The following RP1L1 variants were observed in gnomAD, a reference collection of about 807,000 sequenced individuals.
RP1L1 encodes RP1 like 1.
In RP1L1, 27 loss-of-function variants were observed where a neutral mutation model predicts 15.7. The observed-to-expected ratio is 1.72, with a 90% CI of 1.27 to 2.38. RP1L1 has a LOEUF of 2.38. Among genes scored for constraint, RP1L1 ranks in the 30% most tolerant of loss-of-function variants. RP1L1 has a pLI of 0.00. For synonymous variants in RP1L1, 1,813 were observed against 1,276.7 expected (o/e 1.42, Z -8.96); for missense variants, 4,798 against 3,075.9 (o/e 1.56, Z -13.24).
At chr8:10,617,548 T>G (rs1465477037) in intron 2 of RP1L1, among the ~76,000 whole-genome samples, 4 of 7,486 alleles carry the variant, frequency 5.3e-4, no homozygotes, top group African/African-American at 1.0e-3. Context: ...TTCTTTTTCT[T>G]TTTTTTTTTT....
At chr8:10,652,155 T>C (rs1454669920) in intron 1 of RP1L1, among the ~76,000 whole-genome samples, 4 of 152,144 alleles carry the variant, frequency 2.6e-5, no homozygotes, top group Admixed American at 2.0e-4. Context: ...GACACAGCTG[T>C]CTAACAACAC....
In RP1L1 at chr8:10,609,932, G is replaced by C. The variant is rs1298179320; in HGVS notation, c.4166C>G (p.Ala1389Gly). ...TTCCTCTTTGAGACCCTCTTCAAGAGCCTCTCCTTGCAGTCCTCCTTCTGG... is the reference window on the plus strand; with the variant it reads ...TTCCTCTTTGAGACCCTCTTCAAGACCCTCTCCTTGCAGTCCTCCTTCTGG... Reference protein sequence around the residue: ...EGPEGGLQGEALEEGLKEEGL... With the variant: ...EGPEGGLQGEGLEEGLKEEGL... The change falls in exon 4 of 4, where the codon GCT becomes GGT. Residue 1389 changes from alanine to glycine, a missense_variant. Coordinates refer to ENST00000382483, the MANE Select transcript of RP1L1 (RefSeq NM_178857.6). 1.9e-6 allele frequency: 3 copies of C among 1,588,756 alleles called. No homozygotes were observed. The highest frequency in any genetic ancestry group is 8.6e-7 in the Non-Finnish European group (1 of 1,162,614).
rs1563121580 is a variant in RP1L1, at chr8:10,609,313, G to A, written c.4785C>T (p.Leu1595=). The A allele has an allele frequency of 1.2e-6, 2 of 1,611,682 alleles. No individual in the cohort carries two copies. Among genetic ancestry groups the A allele is most frequent in the Non-Finnish European group, 1.7e-6 (2 of 1,179,762 alleles). ...RMVLEPPREA[L]TGELLLQTQQ... is the part of the protein sequence containing the mutation. ...GGGTCTGCAGGAGCAGCTCCCCGGT[G>A]AGGGCCTCCCTTGGAGGCTCCAGCA... The change falls in exon 4 of 4, where the codon CTC becomes CTT. Residue 1595 remains leucine (L), a synonymous_variant. Coordinates refer to ENST00000382483, the MANE Select transcript of RP1L1 (RefSeq NM_178857.6).
intron 1 of RP1L1, among the ~76,000 whole-genome samples, chr8:10,628,204 C>T (rs1180088167): frequency 6.6e-6 from 1 of 152,184 alleles, no homozygotes; most frequent in Admixed American, 6.5e-5. Flanking sequence ...AGAGGTTAAA[C>T]CACAGGATCA....
At chr8:10,634,434 G>A (rs879940088) in intron 1 of RP1L1, among the ~76,000 whole-genome samples, 5 of 152,156 alleles carry the variant, frequency 3.3e-5, no homozygotes, top group African/African-American at 4.8e-5. Flanking sequence ...CATATGGACC[G>A]GTTTTCCGTG....
intron 1 of RP1L1, among the ~76,000 whole-genome samples, chr8:10,645,336 CAAAT>C (rs1409177455): frequency 5.3e-5 from 8 of 152,038 alleles, no homozygotes; most frequent in African/African-American, 1.9e-4. Flanking sequence ...CAAAAACAAA[CAAAT>C]GAACAAACAA....
intron 3 of RP1L1, among the ~76,000 whole-genome samples, chr8:10,615,246 G>C (rs544012391): frequency 7.9e-5 from 12 of 152,312 alleles, no homozygotes; most frequent in African/African-American, 2.9e-4. Flanking sequence ...TTTCACAAAG[G>C]ATAGTACTTT....
intron 1 of RP1L1, among the ~76,000 whole-genome samples, chr8:10,644,677 C>A (rs1180589958): frequency 6.6e-6 from 1 of 152,210 alleles, no homozygotes. Context: ...CTTTCCCTGA[C>A]GATGCTGTGA....
chr8:10,614,645 G>A (rs1258750815), intron 3 of RP1L1, among the ~76,000 whole-genome samples: 9 of 143,754 alleles, frequency 6.3e-5, no homozygotes, highest in Non-Finnish European at 1.2e-4. Context: ...TGGGTGACAG[G>A]GTAAGATTCT....
chr8:10,608,969 G>A lies in RP1L1; in HGVS notation c.5129C>T (p.Pro1710Leu). Reference sequence around the variant, plus strand: ...CGTGGGGTCCGTGTGGGTCTTGCCAGGGGCCACCTCTGCTGCCTCCCCATC... The same window carrying A: ...CGTGGGGTCCGTGTGGGTCTTGCCAAGGGCCACCTCTGCTGCCTCCCCATC... ...HTDGEAAEVAPGKTHTDPTST... is the reference protein window; with the variant it reads ...HTDGEAAEVALGKTHTDPTST... Residue 1710 changes from proline (P) to leucine (L), a missense_variant, in exon 4 of 4, where the codon CCT becomes CTT. Transcript: ENST00000382483. The A allele has an allele frequency of 6.2e-7, 1 of 1,613,550 alleles. No homozygotes were observed. Among genetic ancestry groups the A allele is most frequent in the Non-Finnish European group, 8.5e-7 (1 of 1,179,568 alleles).
intron 1 of RP1L1, among the ~76,000 whole-genome samples, chr8:10,649,792 C>T (rs1347304290): frequency 2.6e-5 from 4 of 152,164 alleles, no homozygotes; most frequent in East Asian, 1.9e-4. Flanking sequence ...GGACAACACA[C>T]GGGATTACAG....
At chr8:10,628,970 C>T (rs902319243) in intron 1 of RP1L1, among the ~76,000 whole-genome samples, 5 of 152,218 alleles carry the variant, frequency 3.3e-5, no homozygotes, top group African/African-American at 1.2e-4. Context: ...TGTGCAGCCT[C>T]GTCAGAGCTC....
chr8:10,623,824 C>A (rs1257757303), intron 1 of RP1L1, among the ~76,000 whole-genome samples: 1 of 151,288 alleles, frequency 6.6e-6, no homozygotes, highest in Non-Finnish European at 1.5e-5. Context: ...CTCATTGTCA[C>A]CCTGTCCCTC....
rs1798083012 is a variant in RP1L1, at chr8:10,622,733, T to C, written c.469A>G (p.Ile157Val). 1 of 1,614,156 alleles carries C rather than the reference T, an allele frequency of 6.2e-7. No individual in the cohort carries two copies. The highest frequency in any genetic ancestry group is 8.5e-7 in the Non-Finnish European group (1 of 1,180,028). Residue 157 changes from isoleucine to valine, a missense_variant, in exon 2 of 4, where the codon ATT (isoleucine) becomes GTT (valine). Transcript: ENST00000382483. Reference protein sequence around the residue: ...SLKTPRRILLIKNMDPRLQQT... With the variant: ...SLKTPRRILLVKNMDPRLQQT... Reference sequence around the variant, plus strand: ...TGGAGGCGAGGGTCCATGTTCTTAATCAGCAGTATCCTCCGGGGGGTTTTA... The same window carrying C: ...TGGAGGCGAGGGTCCATGTTCTTAACCAGCAGTATCCTCCGGGGGGTTTTA...
chr8:10,651,107 C>A (rs952925691), intron 1 of RP1L1, among the ~76,000 whole-genome samples: 2 of 152,210 alleles, frequency 1.3e-5, no homozygotes, highest in Admixed American at 1.3e-4. Context: ...GAAGCAGGCT[C>A]AGAAGGGGCA....
chr8:10,612,125 C>A lies in RP1L1; in HGVS notation c.1973G>T (p.Arg658Leu), dbSNP rs377641004. 84 of 1,613,566 alleles carry A rather than the reference C, an allele frequency of 5.2e-5. No homozygotes were observed. Among genetic ancestry groups the A allele is most frequent in the Non-Finnish European group, 7.0e-5 (83 of 1,180,038 alleles). The change falls in exon 4 of 4, where the codon CGA becomes CTA. Residue 658 changes from arginine to leucine, a missense_variant. By Grantham distance (102) the Arg-to-Leu change is moderately radical. Coordinates refer to ENST00000382483, the MANE Select transcript of RP1L1 (RefSeq NM_178857.6). ...CCTGGGATGGCCTCTCGGGGCCACT[C>A]GGCCAAGGCCAGGGCTGCTGGGTGA... ...MSSPSSPGLG[R>L]VAPRGHPRHS...
chr8:10,613,341 A>G lies in RP1L1; in HGVS notation c.757T>C (p.Trp253Arg). The change falls in exon 4 of 4, where the codon TGG (tryptophan) becomes CGG (arginine). Residue 253 changes from tryptophan to arginine, a missense_variant. Trp to Arg is a moderately radical substitution (Grantham distance 101, BLOSUM62 -3). Coordinates refer to ENST00000382483, the MANE Select transcript of RP1L1 (RefSeq NM_178857.6). Reference sequence around the variant, plus strand: ...ACACTCGGCTTGGTCTTTGGCCCCCAGCTCCCTGGCACGCAGTGAAGAGGA... The same window carrying G: ...ACACTCGGCTTGGTCTTTGGCCCCCGGCTCCCTGGCACGCAGTGAAGAGGA... ...GLTSRNKNGS[W>R]GPKTKPSVIH... 2 of 1,599,976 alleles carry G rather than the reference A, an allele frequency of 1.3e-6. No homozygotes were observed. Among genetic ancestry groups the G allele is most frequent in the Non-Finnish European group, 1.7e-6 (2 of 1,179,940 alleles).
At chr8:10,650,297 C>A (rs955778595) in intron 1 of RP1L1, among the ~76,000 whole-genome samples, 6 of 152,200 alleles carry the variant, frequency 3.9e-5, no homozygotes, top group Non-Finnish European at 2.9e-5. Flanking sequence ...TTCTTCAAGC[C>A]ACTTTTAGCT....
chr8:10,629,580 T>G (rs1247136550), intron 1 of RP1L1, among the ~76,000 whole-genome samples: 2 of 152,200 alleles, frequency 1.3e-5, no homozygotes, highest in African/African-American at 4.8e-5. Flanking sequence ...CTTGGGCTAC[T>G]GTGCAACCAA....
Sources: gnomAD v4.1 joint callset for allele counts (sites outside exome capture counted in the v4.1 genomes callset) on GRCh38, gnomAD v4.1.1 for gene constraint, MANE v1.5 for transcripts, NCBI Gene and HGNC (gene_info 2026-07-23, HGNC 2026-07-21) for gene names.